The following ZNF18 variants were observed in gnomAD, a reference collection of about 807,000 sequenced individuals.
The protein encoded by ZNF18 is heart development-specific gene 1 protein.
ZNF18 carries 42 observed loss-of-function variants against 58.1 expected under a neutral mutation model. The ratio of observed to expected loss-of-function variants is 0.72; its 90% CI spans 0.56 to 0.93. The LOEUF (loss-of-function observed/expected upper bound fraction) is 0.93, where lower values mean the gene tolerates loss of function less well. Among genes scored for constraint, ZNF18 ranks in the 40% least tolerant of loss-of-function variants. ZNF18 has a pLI of 0.00. For missense variants in ZNF18, 540 were observed against 644.2 expected, an observed-to-expected ratio of 0.84 and a Z score of 1.75; for synonymous variants, 231 against 239.8, an observed-to-expected ratio of 0.96 and a Z score of 0.34.
intron 4 of ZNF18, among the ~76,000 whole-genome samples, 189 bp from the exon 5 acceptor site, chr17:11,984,386 T>C (rs1442049845): frequency 1.3e-5 from 2 of 152,150 alleles, no homozygotes; most frequent in Non-Finnish European, 2.9e-5. Context: ...CAACAGTCCC[T>C]ATATCAGTGT....
At chr17:12,001,629 A>AAAACAAAC (rs559517921), upstream of ZNF18, among the ~76,000 whole-genome samples, 269 of 151,944 alleles carry the variant, frequency 1.8e-3, 1 homozygote, top group African/African-American at 6.0e-3. Flanking sequence ...ACTCCGTCTC[A>AAAACAAAC]AAACAAACAA....
chr17:11,993,823 C>CAAA (rs1968292975), intron 1 of ZNF18, among the ~76,000 whole-genome samples: 1 of 4,176 alleles, frequency 2.4e-4, no homozygotes, highest in African/African-American at 6.7e-4. Flanking sequence ...GACTCCGTCT[C>CAAA]ACAAAAAAAA....
chr17:11,992,324 G>A (rs1968177122), intron 2 of ZNF18, 119 bp downstream of exon 2: 1 of 1,299,756 alleles, frequency 7.7e-7, no homozygotes. Context: ...ATTGGCCATT[G>A]GTGTGAAAAG....
At chr17:12,018,850 A>C in the ZNF18 span, among the ~76,000 whole-genome samples, 1 of 151,938 alleles carries the variant, frequency 6.6e-6, no homozygotes, top group African/African-American at 2.4e-5. Flanking sequence ...AAATAAGATT[A>C]GTTATATTTT....
Position 11,984,083 on chromosome 17 carries a change from TC to T in ZNF18, c.751+29del, listed in dbSNP as rs755318802. On this transcript the variant is annotated intron_variant, in intron 5 of 6. Transcript: ENST00000580306. ...CTCACAGTTTTCCAGTCCTTCTACC[TC>T]CTTCCATCAGACTAACCCACACCCT... is the stretch of plus-strand genomic sequence containing the variant. 6 of 1,583,932 alleles carry T rather than the reference TC, an allele frequency of 3.8e-6. No individual in the cohort carries two copies. The African/African-American group carries it at 6.8e-5, about 18-fold the overall frequency.
intron 4 of ZNF18, among the ~76,000 whole-genome samples, chr17:11,988,009 G>T (rs372882725): frequency 6.6e-6 from 1 of 152,276 alleles, no homozygotes; most frequent in South Asian, 2.1e-4. Context: ...CAAGTCCCAA[G>T]AGGAGTTCCT....
chr17:11,983,605 C>T (rs1967525874), intron 5 of ZNF18, among the ~76,000 whole-genome samples, 198 bp from the exon 6 acceptor site: 1 of 152,094 alleles, frequency 6.6e-6, no homozygotes, highest in Non-Finnish European at 1.5e-5. Context: ...TGGTAAAGGC[C>T]ATGAAAAGAA....
At chr17:12,011,575 G>A in the ZNF18 span, among the ~76,000 whole-genome samples, 23 of 151,888 alleles carry the variant, frequency 1.5e-4, 1 homozygote, top group South Asian at 4.8e-3. Flanking sequence ...TAGTAGAGAT[G>A]GGGTTTCACC....
the ZNF18 span, chr17:12,020,747 GGGGGCGTGTCAGGAGGCGTGTCC>G: frequency 2.5e-6 from 1 of 393,252 alleles, no homozygotes. Context: ...GGGCTCTGGC[GGGGGCGTGTCAGGAGGCGTGTCC>G]GGGGCGTGTC....
At chr17:11,994,146 T>C (rs1394046201) in intron 1 of ZNF18, among the ~76,000 whole-genome samples, 1 of 152,118 alleles carries the variant, frequency 6.6e-6, no homozygotes, top group Non-Finnish European at 1.5e-5. Context: ...AGATACCCCA[T>C]CACTTGAGGA....
At chr17:12,000,056 G>A (rs909223835), upstream of ZNF18, among the ~76,000 whole-genome samples, 7 of 152,068 alleles carry the variant, frequency 4.6e-5, no homozygotes, top group Non-Finnish European at 8.8e-5. Context: ...GAGTAGCTGG[G>A]ATTACACATG....
chr17:11,993,665 A>T (rs1968273476), intron 1 of ZNF18: 1 of 152,020 alleles, frequency 6.6e-6, no homozygotes, highest in African/African-American at 2.4e-5. Context: ...CTAAAAAAAA[A>T]TACAAAAAAT....
the ZNF18 span, among the ~76,000 whole-genome samples, chr17:12,006,755 G>A: frequency 6.6e-6 from 1 of 151,770 alleles, no homozygotes; most frequent in Non-Finnish European, 1.5e-5. Context: ...AAAGAACTGA[G>A]CAAAAATATT....
rs985559213 is a variant in ZNF18, at chr17:11,988,501, C to G, written c.666+1961G>C. Among the ~76,000 whole-genome samples the G allele has an allele frequency of 2.6e-5, 4 of 152,172 alleles. No homozygotes were observed. The East Asian group carries it at 7.7e-4, about 29-fold the overall frequency. On this transcript the variant is annotated intron_variant, in intron 4 of 6. Coordinates refer to ENST00000580306, the MANE Select transcript of ZNF18 (RefSeq NM_001303281.2). Reference sequence around the variant, plus strand: ...ACAAAGAGAAAGCTCCAGAGATCTACAGAGCGTCCCCGCAAAGTCTGGAAA... The same window carrying G: ...ACAAAGAGAAAGCTCCAGAGATCTAGAGAGCGTCCCCGCAAAGTCTGGAAA...
chr17:11,985,018 T>C (rs974826184), intron 4 of ZNF18, among the ~76,000 whole-genome samples: 1 of 152,176 alleles, frequency 6.6e-6, no homozygotes, highest in African/African-American at 2.4e-5. Flanking sequence ...AGCTTCACCC[T>C]GAAACAAAGA....
intron 6 of ZNF18, among the ~76,000 whole-genome samples, chr17:11,981,654 CAAAA>C (rs1460990017): frequency 6.8e-6 from 1 of 146,798 alleles, no homozygotes; most frequent in African/African-American, 2.5e-5. Context: ...AACAAACAAA[CAAAA>C]AACGAGTAGG....
In ZNF18 at chr17:11,984,112, C is replaced by T. The variant is rs752869091; in HGVS notation, c.751+1G>A. 2 of 1,612,410 alleles carry T rather than the reference C, an allele frequency of 1.2e-6. No individual in the cohort carries two copies. The highest frequency in any genetic ancestry group is 1.7e-6 in the Non-Finnish European group (2 of 1,179,386). On this transcript the variant is annotated splice_donor_variant, in intron 5 of 6. Coordinates refer to ENST00000580306, the MANE Select transcript of ZNF18 (RefSeq NM_001303281.2). LOFTEE classifies it high-confidence loss of function. ...TCCATCAGACTAACCCACACCCTCA[C>T]CTCCTGAGACCATTTTCCCATAGGT...
chr17:12,014,037 T>C, the ZNF18 span, among the ~76,000 whole-genome samples: 1 of 152,228 alleles, frequency 6.6e-6, no homozygotes. Flanking sequence ...TTATAAGAAA[T>C]ATAATGTCGG....
chr17:11,998,572 TGTC>T (rs1188317047), upstream of ZNF18, among the ~76,000 whole-genome samples: 31 of 151,248 alleles, frequency 2.0e-4, no homozygotes, highest in African/African-American at 7.0e-4. Flanking sequence ...GTCCTGTACC[TGTC>T]ATTATCATAA....
Sources: allele counts gnomAD v4.1 joint callset (sites outside exome capture counted in the v4.1 genomes callset), GRCh38; gene constraint gnomAD v4.1.1; transcripts MANE v1.5; gene names NCBI Gene and HGNC (gene_info 2026-07-23, HGNC 2026-07-21).